The following ZC3H12B variants were observed in gnomAD, a reference collection of about 807,000 sequenced individuals.
ZC3H12B encodes the protein zinc finger CCCH-type containing 12B.
Under a neutral mutation model 43.9 loss-of-function variants are expected in ZC3H12B, and 7 were observed. The ratio of observed to expected loss-of-function variants is 0.16; its 90% CI spans 0.09 to 0.30. The LOEUF is 0.30. Among genes scored for constraint, ZC3H12B ranks in the 10% least tolerant of loss-of-function variants. ZC3H12B has a pLI of 1.00. For missense variants in ZC3H12B, 475 were observed against 670.2 expected (o/e 0.71, Z 3.22); for synonymous variants, 222 against 241.7 (o/e 0.92, Z 0.76).
At chrX:65,331,437 T>G in the ZC3H12B span, among the ~76,000 whole-genome samples, 2 of 111,428 alleles carry the variant, frequency 1.8e-5, no homozygotes, top group Non-Finnish European at 3.8e-5. Context: ...CTAAAATGAT[T>G]TAACTTATAG....
the ZC3H12B span, among the ~76,000 whole-genome samples, chrX:65,215,055 G>T: frequency 9.0e-6 from 1 of 111,219 alleles, no homozygotes; most frequent in African/African-American, 3.3e-5. Flanking sequence ...CCAAAAACGG[G>T]CTTAATATGT....
chrX:65,435,279 T>A (rs1244804524), intron 3 of ZC3H12B, among the ~76,000 whole-genome samples: 1 of 112,123 alleles, frequency 8.9e-6, no homozygotes, highest in African/African-American at 3.2e-5. Flanking sequence ...TTTTATTTTA[T>A]CACTTCATCC....
intron 3 of ZC3H12B, among the ~76,000 whole-genome samples, chrX:65,405,179 G>A (rs2066807754): frequency 8.9e-6 from 1 of 112,069 alleles, no homozygotes; most frequent in Non-Finnish European, 1.9e-5. Context: ...AAATCTATGG[G>A]ATACAGCAAA....
chrX:65,302,969 T>A, the ZC3H12B span, among the ~76,000 whole-genome samples: 3 of 111,345 alleles, frequency 2.7e-5, no homozygotes, highest in South Asian at 1.1e-3. Context: ...CACAAAAAAA[T>A]CTAAACACAG....
chrX:65,325,538 A>T, the ZC3H12B span, among the ~76,000 whole-genome samples: 1,138 of 111,372 alleles, frequency 0.01, 15 homozygotes, highest in African/African-American at 0.035. Flanking sequence ...CTTAGGAGTA[A>T]ATTTAACCAA....
the ZC3H12B span, among the ~76,000 whole-genome samples, chrX:65,086,392 T>C: frequency 9.0e-6 from 1 of 111,224 alleles, no homozygotes; most frequent in Non-Finnish European, 1.9e-5. Context: ...AGGATGCAGA[T>C]AGTCTCTTTA....
chrX:65,310,314 A>C, the ZC3H12B span, among the ~76,000 whole-genome samples: 2 of 112,088 alleles, frequency 1.8e-5, no homozygotes, highest in African/African-American at 6.5e-5. Flanking sequence ...CTCAGGATAC[A>C]AAATCAATGT....
intron 1 of ZC3H12B, among the ~76,000 whole-genome samples, chrX:65,495,409 G>A (rs998471130): frequency 8.0e-5 from 9 of 112,279 alleles, no homozygotes; most frequent in Admixed American, 6.6e-4. Flanking sequence ...GGAACAATAT[G>A]TTGGAGTTCA....
chrX:65,045,863 G>T, the ZC3H12B span, among the ~76,000 whole-genome samples: 1 of 111,911 alleles, frequency 8.9e-6, no homozygotes, highest in Non-Finnish European at 1.9e-5. Context: ...CCGCAGAAGG[G>T]ATGTTATGTT....
the ZC3H12B span, among the ~76,000 whole-genome samples, chrX:65,166,996 T>A: frequency 8.9e-6 from 1 of 112,173 alleles, no homozygotes; most frequent in Non-Finnish European, 1.9e-5. Flanking sequence ...ATAGGTTGCC[T>A]GTTCACTCTG....
the ZC3H12B span, among the ~76,000 whole-genome samples, chrX:65,035,758 A>G: frequency 6.3e-5 from 7 of 111,122 alleles, no homozygotes; most frequent in Non-Finnish European, 1.3e-4. Context: ...CTCGTGTGCT[A>G]AGACCTCCCG....
the ZC3H12B span, among the ~76,000 whole-genome samples, chrX:65,143,541 C>T: frequency 9.2e-6 from 1 of 108,639 alleles, no homozygotes. Context: ...GTGTGAAACC[C>T]ACTTGATCAT....
the ZC3H12B span, among the ~76,000 whole-genome samples, chrX:65,094,556 G>T: frequency 4.5e-5 from 5 of 111,283 alleles, no homozygotes; most frequent in Admixed American, 4.8e-4. Flanking sequence ...TTATGATTTG[G>T]ATTTTTAAAA....
the ZC3H12B span, among the ~76,000 whole-genome samples, chrX:65,089,622 A>G: frequency 8.9e-6 from 1 of 112,327 alleles, no homozygotes; most frequent in African/African-American, 3.2e-5. Flanking sequence ...TTAGCTTAGT[A>G]TAACATTTTT....
the ZC3H12B span, among the ~76,000 whole-genome samples, chrX:65,251,313 C>G: frequency 1.8e-5 from 2 of 111,567 alleles, no homozygotes; most frequent in Non-Finnish European, 3.8e-5. Flanking sequence ...GTTTTGGTAC[C>G]AGTACCATGC....
chrX:65,451,988 T>C (rs1320024208), intron 3 of ZC3H12B, among the ~76,000 whole-genome samples: 3 of 111,645 alleles, frequency 2.7e-5, no homozygotes, highest in Admixed American at 9.6e-5. Flanking sequence ...GGTTTCAGCG[T>C]TGATGGTCAG....
At chrX:65,451,415 C>A (rs898692479) in intron 3 of ZC3H12B, among the ~76,000 whole-genome samples, 5 of 111,731 alleles carry the variant, frequency 4.5e-5, no homozygotes, top group Non-Finnish European at 7.5e-5. Flanking sequence ...GTCTTCATTT[C>A]TTTAGGATCA....
At chrX:65,475,097 T>C (rs2067974757) in intron 3 of ZC3H12B, among the ~76,000 whole-genome samples, 1 of 112,342 alleles carries the variant, frequency 8.9e-6, no homozygotes, top group African/African-American at 3.2e-5. Flanking sequence ...TACTATACTT[T>C]TACATCCCCC....
At chrX:65,378,115 C>A (rs1447994890) in intron 2 of ZC3H12B, among the ~76,000 whole-genome samples, 3 of 110,087 alleles carry the variant, frequency 2.7e-5, no homozygotes, top group Non-Finnish European at 5.7e-5. Context: ...AAAAAGAAAT[C>A]ATCTGACCTT....
Sources: gnomAD v4.1 joint callset for allele counts (sites outside exome capture counted in the v4.1 genomes callset) on GRCh38, gnomAD v4.1.1 for gene constraint, MANE v1.5 for transcripts, NCBI Gene and HGNC (gene_info 2026-07-23, HGNC 2026-07-21) for gene names.